The following SDK1 variants were observed in gnomAD, a reference collection of about 807,000 sequenced individuals.
SDK1 encodes protein sidekick-1.
A neutral mutation model predicts 245.5 loss-of-function variants in SDK1; 157 were observed. That is an observed-to-expected ratio of 0.64 (90% confidence interval 0.56 to 0.73). SDK1 has a LOEUF of 0.73. Ranked by LOEUF, SDK1 falls within the 30% of genes least tolerant of loss-of-function variation. The probability of loss-of-function intolerance (pLI) is 0.00; values close to 1 mark genes in which losing one functional copy is unlikely to be tolerated. For synonymous variants in SDK1, 1,647 were observed against 1,278.5 expected, an observed-to-expected ratio of 1.29 and a Z score of -6.15; for missense variants, 3,583 against 3,002.3, an observed-to-expected ratio of 1.19 and a Z score of -4.52.
chr7:3,655,503 A>ATATATGTG (rs1562634481), intron 4 of SDK1, among the ~76,000 whole-genome samples: 3 of 62,792 alleles, frequency 4.8e-5, no homozygotes, highest in Non-Finnish European at 8.0e-5. Flanking sequence ...ATATATATAT[A>ATATATGTG]TGTATGTATG....
At chr7:3,991,575 G>A (rs1784329589) in intron 14 of SDK1, among the ~76,000 whole-genome samples, 1 of 152,170 alleles carries the variant, frequency 6.6e-6, no homozygotes, top group Admixed American at 6.5e-5. Context: ...TAGGTGTCCA[G>A]CTGCTTAATT....
intron 14 of SDK1, 89 bp from the exon 15 acceptor site, chr7:4,010,877 A>T: frequency 7.4e-7 from 1 of 1,345,224 alleles, no homozygotes; most frequent in Non-Finnish European, 1.0e-6. Flanking sequence ...AGCAAATGAG[A>T]TGTTCCCTGA....
intron 4 of SDK1, among the ~76,000 whole-genome samples, chr7:3,788,147 C>T (rs1289109576): frequency 6.6e-6 from 1 of 152,202 alleles, no homozygotes; most frequent in Non-Finnish European, 1.5e-5. Context: ...CCACTCTGCA[C>T]TCACTGGCTC....
intron 1 of SDK1, among the ~76,000 whole-genome samples, chr7:3,507,667 A>G (rs999988169): frequency 2.6e-5 from 4 of 152,152 alleles, no homozygotes; most frequent in Admixed American, 2.6e-4. Context: ...GACACATTCT[A>G]AGTGGTTAGT....
chr7:4,200,854 A>C (rs1416147764), intron 35 of SDK1, among the ~76,000 whole-genome samples: 1 of 152,266 alleles, frequency 6.6e-6, no homozygotes, highest in African/African-American at 2.4e-5. Context: ...TCAGGGGCCA[A>C]ATCCAGCCCA....
At chr7:3,304,760 C>G (rs1779372996) in intron 1 of SDK1, among the ~76,000 whole-genome samples, 1 of 152,178 alleles carries the variant, frequency 6.6e-6, no homozygotes, top group African/African-American at 2.4e-5. Flanking sequence ...TCCCCCTATT[C>G]CAGACACCTG....
Position 4,012,549 on chromosome 7 carries a change from C to CTTTTTTTTTTTTTTTTTTTTTTTTTTTTT in SDK1, c.2420+329_2420+357dup, listed in dbSNP as rs777199429. ...GCAAGGTATATTGTTCAATGTGAAG[C>CTTTTTTTTTTTTTTTTTTTTTTTTTTTTT]TTTTTTTTTTTTTTTTTTTTTTTTT... On this transcript the variant is annotated intron_variant, in intron 16 of 44. Transcript: ENST00000404826. 1.5e-4 allele frequency among the ~76,000 whole-genome samples: 4 copies of CTTTTTTTTTTTTTTTTTTTTTTTTTTTTT among 25,988 alleles called. 2 individuals carry two copies. The highest frequency in any genetic ancestry group is 4.0e-4 in the Non-Finnish European group (4 of 10,038). 17.0% of individuals were successfully genotyped at this position (25,988 alleles called of 152,430 possible).
intron 5 of SDK1, among the ~76,000 whole-genome samples, chr7:3,867,305 C>T (rs1320106369): frequency 6.6e-6 from 1 of 152,098 alleles, no homozygotes; most frequent in East Asian, 1.9e-4. Context: ...TTTTCTCAAG[C>T]ATGTGAAGAA....
chr7:3,438,394 A>T (rs1780092223), intron 1 of SDK1, among the ~76,000 whole-genome samples: 1 of 152,212 alleles, frequency 6.6e-6, no homozygotes, highest in African/African-American at 2.4e-5. Flanking sequence ...CTTTACAATG[A>T]TGTATTCTAG....
At chr7:3,916,850 C>G (rs539791737) in intron 5 of SDK1, among the ~76,000 whole-genome samples, 2 of 152,126 alleles carry the variant, frequency 1.3e-5, no homozygotes, top group African/African-American at 2.4e-5. Flanking sequence ...GACAGATTGT[C>G]AGGGAGATGG....
At chr7:3,802,705 A>G (rs1165994993) in intron 4 of SDK1, among the ~76,000 whole-genome samples, 1 of 152,108 alleles carries the variant, frequency 6.6e-6, no homozygotes, top group Non-Finnish European at 1.5e-5. Context: ...AGTGGACCCT[A>G]CATTAGGTGA....
At chr7:3,726,132 A>G (rs1779001455) in intron 4 of SDK1, among the ~76,000 whole-genome samples, 1 of 152,214 alleles carries the variant, frequency 6.6e-6, no homozygotes, top group Admixed American at 6.5e-5. Flanking sequence ...CTTTATAGAG[A>G]AGGATCTAGG....
intron 1 of SDK1, among the ~76,000 whole-genome samples, chr7:3,596,875 G>A (rs1781085060): frequency 6.6e-6 from 1 of 152,122 alleles, no homozygotes; most frequent in East Asian, 1.9e-4. Flanking sequence ...ATAGAAGTGA[G>A]GTACAGGTAC....
At chr7:3,664,199 G>C (rs775290415) in intron 4 of SDK1, among the ~76,000 whole-genome samples, 3 of 152,096 alleles carry the variant, frequency 2.0e-5, no homozygotes, top group Non-Finnish European at 2.9e-5. Context: ...ACCTTGAAGG[G>C]AGTGTAAAGC....
intron 1 of SDK1, among the ~76,000 whole-genome samples, chr7:3,432,776 T>A (rs1428012807): frequency 1.3e-5 from 2 of 152,116 alleles, no homozygotes. Flanking sequence ...AGAGTCAGTT[T>A]CCCTCCACAA....
At chr7:3,500,141 G>A (rs1431701734) in intron 1 of SDK1, among the ~76,000 whole-genome samples, 1 of 152,104 alleles carries the variant, frequency 6.6e-6, no homozygotes, top group Non-Finnish European at 1.5e-5. Context: ...CTTGTCTATC[G>A]AGTCACATTG....
At chr7:3,535,101 C>T (rs535362752) in intron 1 of SDK1, among the ~76,000 whole-genome samples, 53 of 152,202 alleles carry the variant, frequency 3.5e-4, no homozygotes, top group Non-Finnish European at 6.5e-4. Flanking sequence ...TGGTGAAACC[C>T]CGTCTCTACT....
At chr7:3,364,476 C>CT (rs1269874916) in intron 1 of SDK1, among the ~76,000 whole-genome samples, 2 of 152,034 alleles carry the variant, frequency 1.3e-5, no homozygotes, top group Non-Finnish European at 2.9e-5. Context: ...GGTTGAGGTT[C>CT]TTTTTTTGCT....
At chr7:3,900,828 A>G (rs1781762881) in intron 5 of SDK1, among the ~76,000 whole-genome samples, 1 of 152,000 alleles carries the variant, frequency 6.6e-6, no homozygotes, top group Non-Finnish European at 1.5e-5. Context: ...TTCCTCCCTA[A>G]TACTCCAGCG....
Sources: gnomAD v4.1 joint callset for allele counts (sites outside exome capture counted in the v4.1 genomes callset) on GRCh38, gnomAD v4.1.1 for gene constraint, MANE v1.5 for transcripts, NCBI Gene and HGNC (gene_info 2026-07-23, HGNC 2026-07-21) for gene names.